The following TF variants were observed in gnomAD, a reference collection of about 807,000 sequenced individuals.
TF encodes the protein serotransferrin.
Under a neutral mutation model 82.4 loss-of-function variants are expected in TF, and 55 were observed. The ratio of observed to expected loss-of-function variants is 0.67; its 90% CI spans 0.54 to 0.84. The LOEUF is 0.84. Ranked by LOEUF, TF falls within the 40% of genes least tolerant of loss-of-function variation. TF has a pLI of 0.00. For synonymous variants in TF, 332 were observed against 332.6 expected (o/e 1.00, Z 0.02); for missense variants, 737 against 868.4 (o/e 0.85, Z 1.90).
the TF span, among the ~76,000 whole-genome samples, chr3:133,738,217 G>A: frequency 6.6e-6 from 1 of 152,102 alleles, no homozygotes; most frequent in South Asian, 2.1e-4. Context: ...AAAACCACAT[G>A]ATTATCTCAA....
the TF span, among the ~76,000 whole-genome samples, chr3:133,733,868 A>C: frequency 5.8e-4 from 2 of 3,460 alleles, no homozygotes; most frequent in Non-Finnish European, 3.9e-3. Flanking sequence ...CTTAAAAAAC[A>C]AAAAAAAAAA....
At chr3:133,772,232 AT>A (rs1576366805) in intron 14 of TF, among the ~76,000 whole-genome samples, 1 of 152,078 alleles carries the variant, frequency 6.6e-6, no homozygotes, top group African/African-American at 2.4e-5. Flanking sequence ...GGGTTGACTA[AT>A]TTTCCTTTCT....
the TF span, among the ~76,000 whole-genome samples, chr3:133,672,050 C>T: frequency 4.4e-4 from 66 of 151,588 alleles, no homozygotes; most frequent in African/African-American, 1.5e-3. Context: ...TACTAAATAC[C>T]ATATACTAAA....
At chr3:133,748,250 G>C (rs1185744182) in intron 1 of TF, 162 bp from the exon 2 acceptor site, 3 of 924,742 alleles carry the variant, frequency 3.2e-6, no homozygotes, top group Non-Finnish European at 3.4e-6. Flanking sequence ...TATTGGCTCA[G>C]ACTCAGAATG....
the TF span, among the ~76,000 whole-genome samples, chr3:133,668,883 C>T: frequency 1.3e-5 from 2 of 152,228 alleles, no homozygotes; most frequent in East Asian, 1.9e-4. Context: ...GTGGATGGGA[C>T]ATCCACTCTG....
chr3:133,738,491 G>C, the TF span, among the ~76,000 whole-genome samples: 1 of 152,026 alleles, frequency 6.6e-6, no homozygotes, highest in East Asian at 1.9e-4. Context: ...AGAAATAAAG[G>C]GTATTCAAAT....
At chr3:133,710,362 T>A in the TF span, among the ~76,000 whole-genome samples, 2 of 152,186 alleles carry the variant, frequency 1.3e-5, no homozygotes, top group African/African-American at 4.8e-5. Context: ...GGCAGAGCAG[T>A]TTGTGTCACT....
In TF at chr3:133,789,879, G is replaced by GTTTTTTTTTTTTTTT. The variant is rs56267966; in HGVS notation, c.*11274_*11288dup. 8 of 88,982 alleles carry GTTTTTTTTTTTTTTT rather than the reference G, an allele frequency of 9.0e-5. 1 individual carries two copies. The highest frequency in any genetic ancestry group is 2.7e-4 in the African/African-American group (5 of 18,246). 5.5% of individuals were successfully genotyped at this position (88,982 alleles called of 1,614,324 possible). The stretch of plus-strand genomic sequence containing the variant: ...GCCAAAACAAAACGATCTCGTTTGC[G>GTTTTTTTTTTTTTTT]TTTTTTTTTTTTTTTTTTTTTTTTT... On this transcript the variant is annotated 3_prime_UTR_variant, in exon 17 of 17. Coordinates refer to ENST00000402696, the MANE Select transcript of TF (RefSeq NM_001063.4).
chr3:133,687,752 T>C, the TF span, among the ~76,000 whole-genome samples: 1 of 152,330 alleles, frequency 6.6e-6, no homozygotes, highest in South Asian at 2.1e-4. Flanking sequence ...CTGCAGCATG[T>C]AGCAGTACTT....
intron 14 of TF, chr3:133,770,793 C>G: frequency 3.3e-6 from 2 of 605,714 alleles, no homozygotes; most frequent in East Asian, 2.8e-5. Flanking sequence ...CCCCAACACA[C>G]ACTCCCACAG....
At chr3:133,748,721 A>G (rs2107907796) in intron 2 of TF, 137 bp downstream of exon 2, 1 of 1,155,144 alleles carries the variant, frequency 8.7e-7, no homozygotes. Flanking sequence ...AAATCACTTC[A>G]AAAGTGGAAA....
chr3:133,727,013 G>A, the TF span, among the ~76,000 whole-genome samples: 7 of 152,254 alleles, frequency 4.6e-5, no homozygotes, highest in East Asian at 1.4e-3. Flanking sequence ...TTGCGCTGTG[G>A]TCTGAGAGAC....
rs1934589803 is a variant in TF at position 133,784,240 on chromosome 3, T to G, written c.*5620T>G. The G allele has an allele frequency of 6.6e-6, 1 of 152,184 alleles. No individual in the cohort carries two copies. The highest frequency in any genetic ancestry group is 1.5e-5 in the Non-Finnish European group (1 of 68,070). The allele number at this position is 152,184 out of a possible 1,614,324, so 9.4% of individuals were successfully genotyped here. ...ACGCTGGTGCTGGAAAAGAGAAGTG[T>G]AAGAATAACTTGCGCCATTAGGCCC... On this transcript the variant is annotated 3_prime_UTR_variant, in exon 17 of 17. Transcript: ENST00000402696.
intron 12 of TF, 51 bp downstream of exon 12, chr3:133,766,484 G>T (rs1934131183): frequency 6.2e-7 from 1 of 1,612,564 alleles, no homozygotes; most frequent in Admixed American, 1.7e-5. Context: ...CAGAAAGCAG[G>T]GTCCTGCCTT....
At chr3:133,705,135 C>A in the TF span, among the ~76,000 whole-genome samples, 2 of 152,084 alleles carry the variant, frequency 1.3e-5, no homozygotes, top group African/African-American at 4.8e-5. Flanking sequence ...ATTAGCAGGG[C>A]ATGGCAGCAG....
At chr3:133,754,398 C>A in intron 3 of TF, 97 bp from the exon 4 acceptor site, 3 of 1,286,952 alleles carry the variant, frequency 2.3e-6, no homozygotes, top group East Asian at 2.3e-5. Flanking sequence ...AAAAGCATGG[C>A]CTCTCCGCTC....
At chr3:133,771,174 C>G (rs1422171996) in intron 14 of TF, among the ~76,000 whole-genome samples, 1 of 152,198 alleles carries the variant, frequency 6.6e-6, no homozygotes, top group Non-Finnish European at 1.5e-5. Flanking sequence ...CCTAGAACAA[C>G]ACACTGAAGT....
chr3:133,699,379 A>C, the TF span: 1 of 826,628 alleles, frequency 1.2e-6, no homozygotes, highest in Non-Finnish European at 1.8e-6. Context: ...GGTGAGGGGC[A>C]TGGGTCATCC....
chr3:133,679,117 C>T, the TF span, among the ~76,000 whole-genome samples: 4 of 152,076 alleles, frequency 2.6e-5, no homozygotes, highest in South Asian at 2.1e-4. Context: ...ATGATCCACC[C>T]GCCTCAGCCT....
Sources: gnomAD v4.1 joint callset for allele counts (sites outside exome capture counted in the v4.1 genomes callset) on GRCh38, gnomAD v4.1.1 for gene constraint, MANE v1.5 for transcripts, NCBI Gene and HGNC (gene_info 2026-07-23, HGNC 2026-07-21) for gene names.